The following INSR variants were observed in gnomAD, a reference collection of about 807,000 sequenced individuals.
The protein encoded by INSR is IR.
INSR carries 67 observed loss-of-function variants against 142.6 expected under a neutral mutation model. The ratio of observed to expected loss-of-function variants is 0.47; its 90% CI spans 0.39 to 0.58. The LOEUF (loss-of-function observed/expected upper bound fraction) is 0.58. Among genes scored for constraint, INSR ranks in the 20% least tolerant of loss-of-function variants. INSR has a pLI of 0.00. For synonymous variants in INSR, 756 were observed against 743.1 expected (o/e 1.02, Z -0.28); for missense variants, 1,248 against 1,833.2 (o/e 0.68, Z 5.83).
intron 2 of INSR, among the ~76,000 whole-genome samples, chr19:7,246,762 C>A (rs1435114173): frequency 1.3e-5 from 2 of 150,454 alleles, no homozygotes; most frequent in Non-Finnish European, 3.0e-5. Flanking sequence ...TTGGATACAA[C>A]AAGTTCTAAG....
In INSR at chr19:7,137,701, T is replaced by C. The variant is rs1187083684; in HGVS notation, c.2682+3976A>G. The stretch of plus-strand genomic sequence containing the variant: ...TACTCAGGAGGCTGAGGCAGGAGAA[T>C]CGCTTAAACAGGGAGGCAGAGGTTG... On this transcript the variant is annotated intron_variant, in intron 13 of 21. Coordinates refer to ENST00000302850, the MANE Select transcript of INSR (RefSeq NM_000208.4). Among the ~76,000 whole-genome samples, 3 of 141,578 alleles carry C rather than the reference T, an allele frequency of 2.1e-5. No homozygotes were observed. In the Admixed American group the frequency reaches 2.3e-4, roughly 11 times the overall value. The allele number at this position is 141,578 out of a possible 152,430, so 92.9% of individuals were successfully genotyped here.
intron 9 of INSR, among the ~76,000 whole-genome samples, chr19:7,154,447 C>T (rs1416049912): frequency 2.7e-5 from 4 of 148,912 alleles, no homozygotes; most frequent in South Asian, 4.2e-4. Context: ...GGACTACAGG[C>T]GGCCGCTGCC....
chr19:7,196,822 C>G (rs1373052583), intron 2 of INSR, among the ~76,000 whole-genome samples: 1 of 152,018 alleles, frequency 6.6e-6, no homozygotes, highest in Non-Finnish European at 1.5e-5. Flanking sequence ...CCAAAAATTA[C>G]TGCTTTCCAG....
chr19:7,179,646 A>G (rs1459819140), intron 3 of INSR, among the ~76,000 whole-genome samples: 4 of 152,228 alleles, frequency 2.6e-5, no homozygotes, highest in Non-Finnish European at 5.9e-5. Flanking sequence ...TGGTTAGTAC[A>G]TCGTCTAACC....
intron 2 of INSR, among the ~76,000 whole-genome samples, chr19:7,197,910 A>G (rs968134539): frequency 2.0e-5 from 2 of 99,336 alleles, no homozygotes; most frequent in African/African-American, 5.1e-5. Context: ...GGTCGGTTCC[A>G]GAGTGAGAGT....
At position 7,235,057 on chromosome 19, in the gene INSR, C is replaced by CAAA. The variant is rs979458442; in HGVS notation, c.652+32285_652+32287dup. On this transcript the variant is annotated intron_variant, in intron 2 of 21. Transcript: ENST00000302850. ...TGGGCGACAGAGAAAGACTCCGTCT[C>CAAA]AAAAAATAATAATAATAATAATAAC... Among the ~76,000 whole-genome samples the CAAA allele has an allele frequency of 5.2e-5, 7 of 135,404 alleles. No homozygotes were observed. In the East Asian group the frequency reaches 7.9e-4, roughly 15 times the overall value. The allele number at this position is 135,404 out of a possible 152,430, so 88.8% of individuals were successfully genotyped here. A position where few individuals can be genotyped will look rare whatever the true frequency, so the allele number is the denominator to read the frequency against.
At chr19:7,238,477 C>T (rs143453229) in intron 2 of INSR, among the ~76,000 whole-genome samples, 1,697 of 151,780 alleles carry the variant, frequency 0.011, 30 homozygotes, top group African/African-American at 0.035. Context: ...AAAAATTAGC[C>T]GGGCGTGGTG....
At chr19:7,257,089 C>T (rs1420592452) in intron 2 of INSR, among the ~76,000 whole-genome samples, 1 of 151,770 alleles carries the variant, frequency 6.6e-6, no homozygotes, top group African/African-American at 2.4e-5. Flanking sequence ...ATTACAGGTG[C>T]CCACCACCAT....
chr19:7,253,111 C>A lies in INSR; in HGVS notation c.652+14234G>T, dbSNP rs1277040620. ...GCCTGGTGACAGAGTGAGACTCCGC[C>A]AAAAAAAAAAAATAGAAGAAGCCAC... On this transcript the variant is annotated intron_variant, in intron 2 of 21. Coordinates refer to ENST00000302850, the MANE Select transcript of INSR (RefSeq NM_000208.4). Among the ~76,000 whole-genome samples the A allele has an allele frequency of 6.9e-4, 95 of 136,778 alleles. 1 individual carries two copies. Among genetic ancestry groups the A allele is most frequent in the Admixed American group, 7.9e-4 (11 of 13,880 alleles). The allele number at this position is 136,778 out of a possible 152,430, so 89.7% of individuals were successfully genotyped here.
intron 2 of INSR, among the ~76,000 whole-genome samples, chr19:7,208,917 C>A (rs537654380): frequency 6.6e-6 from 1 of 152,020 alleles, no homozygotes; most frequent in African/African-American, 2.4e-5. Flanking sequence ...GCAGGAGAAT[C>A]GCTTGAACAG....
intron 13 of INSR, among the ~76,000 whole-genome samples, chr19:7,138,676 A>G (rs1180581804): frequency 6.6e-6 from 1 of 152,064 alleles, no homozygotes; most frequent in East Asian, 1.9e-4. Flanking sequence ...TTGGCCCCCA[A>G]ACATCATTTT....
intron 2 of INSR, among the ~76,000 whole-genome samples, chr19:7,189,963 C>T (rs1001963052): frequency 1.3e-5 from 2 of 151,986 alleles, no homozygotes; most frequent in African/African-American, 2.4e-5. Flanking sequence ...TACGCCTGGC[C>T]GATTTTACTA....
Position 7,206,733 on chromosome 19 carries a change from G to A in INSR, c.653-22096C>T, listed in dbSNP as rs570036811. On this transcript the variant is annotated intron_variant, in intron 2 of 21. Coordinates refer to ENST00000302850, the MANE Select transcript of INSR (RefSeq NM_000208.4). ...GCACCAGTGCAGTCCAGCCTGGGTG[G>A]CAGAGTGAGACCCTGTCTCAACAAC... is the stretch of plus-strand genomic sequence containing the variant. Among the ~76,000 whole-genome samples, 6 of 152,054 alleles carry A rather than the reference G, an allele frequency of 3.9e-5. No homozygotes were observed. In the South Asian group the frequency reaches 1.3e-3, roughly 32 times the overall value.
At chr19:7,264,900 G>A (rs1302816218) in intron 2 of INSR, among the ~76,000 whole-genome samples, 2 of 152,172 alleles carry the variant, frequency 1.3e-5, no homozygotes, top group Non-Finnish European at 2.9e-5. Flanking sequence ...TCCCATGGAA[G>A]GACTCATGCT....
chr19:7,287,590 C>T (rs1226529654), intron 1 of INSR, among the ~76,000 whole-genome samples: 3 of 152,070 alleles, frequency 2.0e-5, no homozygotes, highest in Non-Finnish European at 2.9e-5. Flanking sequence ...CATTCAATGC[C>T]AATATAGCTG....
rs750488699 is a variant in INSR, at chr19:7,166,165, G to A, written c.1850C>T (p.Thr617Ile). The change falls in exon 8 of 22, where the codon ACA becomes ATA. Residue 617 changes from threonine (T) to isoleucine (I), a missense_variant. Physicochemically the swap from Thr to Ile is moderately conservative, Grantham distance 89. Around this residue, in one of 3 missense-constraint regions of INSR, gnomAD observed 1,069 missense variants for 1,654.0 expected, o/e 0.65. Coordinates refer to ENST00000302850, the MANE Select transcript of INSR (RefSeq NM_000208.4). This position sits in a 1 kb window ranked among gnomAD's most constrained non-coding sequence, Gnocchi z 4.1. ...CAAGACACACTCACTGGTGGCATCT[G>A]TCTGGACATAAATGATGTCACTCTT... ...GAKSDIIYVQ[T>I]DATNPSVPLD... 1 of 1,614,094 alleles carries A rather than the reference G, an allele frequency of 6.2e-7. No individual in the cohort carries two copies.
intron 2 of INSR, among the ~76,000 whole-genome samples, chr19:7,196,976 G>A (rs1048877387): frequency 6.6e-6 from 1 of 152,016 alleles, no homozygotes; most frequent in African/African-American, 2.4e-5. Context: ...CTCCCACACT[G>A]GCCCCAGACC....
At chr19:7,231,104 AC>A (rs1975958979) in intron 2 of INSR, among the ~76,000 whole-genome samples, 1 of 152,046 alleles carries the variant, frequency 6.6e-6, no homozygotes. Context: ...ATTTCCAGAA[AC>A]TCACAATTGC....
At chr19:7,209,177 T>G (rs922190189) in intron 2 of INSR, among the ~76,000 whole-genome samples, 1 of 152,010 alleles carries the variant, frequency 6.6e-6, no homozygotes, top group Non-Finnish European at 1.5e-5. Context: ...ATAAATAAAA[T>G]TAGCTGGGCA....
Sources: gnomAD v4.1 joint callset for allele counts (sites outside exome capture counted in the v4.1 genomes callset) on GRCh38, gnomAD v4.1.1 for gene constraint, gnomAD v4.1.1 regional missense constraint, Gnocchi (gnomAD v3.1) non-coding constraint, MANE v1.5 for transcripts, NCBI Gene and HGNC (gene_info 2026-07-23, HGNC 2026-07-21) for gene names.